The following CLASP1 variants were observed in gnomAD, a reference collection of about 807,000 sequenced individuals.
CLASP1 encodes CLIP-associating protein 1.
In CLASP1, 38 loss-of-function variants were observed where a neutral mutation model predicts 192.3. The ratio of observed to expected loss-of-function variants is 0.20; its 90% CI spans 0.15 to 0.26. CLASP1 has a LOEUF of 0.26. Ranked by LOEUF, CLASP1 falls within the 10% of genes least tolerant of loss-of-function variation. CLASP1 has a pLI of 1.00. For missense variants in CLASP1, 1,433 were observed against 1,932.5 expected (o/e 0.74, Z 4.85); for synonymous variants, 691 against 712.8 (o/e 0.97, Z 0.49).
intron 2 of CLASP1, among the ~76,000 whole-genome samples, chr2:121,546,711 C>T (rs777127713): frequency 1.3e-5 from 2 of 152,154 alleles, no homozygotes; most frequent in African/African-American, 2.4e-5. Flanking sequence ...CAAACAGAGA[C>T]CCGAGAGCCT....
At chr2:121,470,864 C>T (rs1035719259) in intron 8 of CLASP1, among the ~76,000 whole-genome samples, 4 of 152,150 alleles carry the variant, frequency 2.6e-5, no homozygotes, top group Admixed American at 1.3e-4. Context: ...TTTAATCAAT[C>T]TGACAGGTGA....
At chr2:121,383,291 T>G (rs938861513) in intron 32 of CLASP1, among the ~76,000 whole-genome samples, 1 of 152,238 alleles carries the variant, frequency 6.6e-6, no homozygotes, top group East Asian at 1.9e-4. Flanking sequence ...TAGTCTCCCC[T>G]GAGCACAGGT....
intron 14 of CLASP1, among the ~76,000 whole-genome samples, chr2:121,453,009 G>T (rs2085830648): frequency 6.6e-6 from 1 of 152,092 alleles, no homozygotes; most frequent in Non-Finnish European, 1.5e-5. Context: ...AATCAAGGCT[G>T]GGAGCAGCGG....
chr2:121,586,749 T>C (rs987030914), intron 2 of CLASP1, among the ~76,000 whole-genome samples: 3 of 152,204 alleles, frequency 2.0e-5, no homozygotes, highest in African/African-American at 7.2e-5. Context: ...TCCTCCTTCA[T>C]TGTATATGAA....
At position 121,601,559 on chromosome 2, in the gene CLASP1, C is replaced by T. The variant is rs1411858864; in HGVS notation, c.195+4142G>A. Among the ~76,000 whole-genome samples the T allele has an allele frequency of 5.3e-5, 8 of 152,110 alleles. No individual in the cohort carries two copies. In the East Asian group the frequency reaches 1.5e-3, roughly 29 times the overall value. ...TGCTGGGATTACAGGCATGAGCCGT[C>T]GCACTCAGCCAGCTTTCAGCTTTTA... On this transcript the variant is annotated intron_variant, in intron 2 of 39. Coordinates refer to ENST00000263710, the Ensembl canonical transcript of CLASP1.
At chr2:121,456,166 T>C (rs1405457905) in intron 14 of CLASP1, among the ~76,000 whole-genome samples, 5 of 152,008 alleles carry the variant, frequency 3.3e-5, no homozygotes, top group Admixed American at 6.5e-5. Context: ...CAACACAGCA[T>C]GTTGTACACC....
At chr2:121,372,896 G>A (rs985527699) in intron 34 of CLASP1, among the ~76,000 whole-genome samples, 11 of 152,116 alleles carry the variant, frequency 7.2e-5, no homozygotes, top group African/African-American at 1.2e-4. Context: ...CAGCCACTTC[G>A]AATAGGAAAT....
At chr2:121,530,710 TGC>T (rs1269289494) in intron 2 of CLASP1, 2 of 510,556 alleles carry the variant, frequency 3.9e-6, no homozygotes, top group African/African-American at 3.8e-5. Context: ...CCGCCGCTTT[TGC>T]GACCCTTCGG....
intron 2 of CLASP1, chr2:121,603,067 T>C (rs2063980130): frequency 6.6e-6 from 1 of 151,076 alleles, no homozygotes; most frequent in Non-Finnish European, 1.5e-5. Context: ...GACAGGAGAC[T>C]TTTTTTTTAA....
rs70954550 is a variant in CLASP1, at chr2:121,470,293, C to CTTTTTT, written c.713-339_713-334dup. On this transcript the variant is annotated intron_variant, in intron 8 of 39. Coordinates refer to ENST00000263710, the Ensembl canonical transcript of CLASP1. ...TCTGCAACATTTCTGACCATCCATGCTTTTTTTTTTTTTTTTTTTTTTTTT... is the reference window on the plus strand; with the variant it reads ...TCTGCAACATTTCTGACCATCCATGCTTTTTTTTTTTTTTTTTTTTTTTTTTTTTTT... 1.6e-3 allele frequency: 491 copies of CTTTTTT among 309,036 alleles called. 30 individuals are homozygous for CTTTTTT. Among genetic ancestry groups the CTTTTTT allele is most frequent in the South Asian group, 2.3e-3 (100 of 42,574 alleles). The allele number at this position is 309,036 out of a possible 1,614,324, so 19.1% of individuals were successfully genotyped here.
intron 2 of CLASP1, among the ~76,000 whole-genome samples, chr2:121,597,470 G>GT (rs1226148126): frequency 1.3e-5 from 2 of 152,150 alleles, no homozygotes; most frequent in African/African-American, 4.8e-5. Context: ...GAGATAGTGT[G>GT]TATGTGTGTG....
intron 35 of CLASP1, among the ~76,000 whole-genome samples, chr2:121,365,970 A>AAT (rs1406370803): frequency 6.6e-6 from 1 of 152,198 alleles, no homozygotes; most frequent in African/African-American, 2.4e-5. Context: ...CTGAACTCTG[A>AAT]ATATTCAACT....
chr2:121,393,599 C>T (rs1431471415), intron 30 of CLASP1, among the ~76,000 whole-genome samples: 1 of 152,084 alleles, frequency 6.6e-6, no homozygotes, highest in East Asian at 1.9e-4. Context: ...TCAAGAACGT[C>T]TCATATTCTT....
chr2:121,461,912 T>C lies in CLASP1; in HGVS notation c.939+620A>G, dbSNP rs191131831. ...GGCCACTGAGATTCTTGTTACCTGC[T>C]TTATACACATATGGCAACCAAGGTG... On this transcript the variant is annotated intron_variant, in intron 10 of 39. Coordinates refer to ENST00000263710, the Ensembl canonical transcript of CLASP1. Among the ~76,000 whole-genome samples, 5 of 152,274 alleles carry C rather than the reference T, an allele frequency of 3.3e-5. No individual in the cohort carries two copies. In the East Asian group the frequency reaches 9.6e-4, roughly 29 times the overall value.
At chr2:121,451,458 G>A (rs923585263) in intron 15 of CLASP1, among the ~76,000 whole-genome samples, 2 of 152,152 alleles carry the variant, frequency 1.3e-5, no homozygotes, top group Non-Finnish European at 2.9e-5. Flanking sequence ...TTCCTTGAAG[G>A]ATCTAACACT....
intron 2 of CLASP1, among the ~76,000 whole-genome samples, chr2:121,575,223 T>C (rs2060393973): frequency 6.6e-6 from 1 of 151,988 alleles, no homozygotes; most frequent in African/African-American, 2.4e-5. Flanking sequence ...GCAATTCTCC[T>C]GCCTCAGCCT....
At chr2:121,445,729 T>C (rs138663237) in intron 19 of CLASP1, among the ~76,000 whole-genome samples, 62 of 152,272 alleles carry the variant, frequency 4.1e-4, no homozygotes, top group Middle Eastern at 3.4e-3. Flanking sequence ...GACTGAAAAC[T>C]TATCATCAGT....
At chr2:121,636,274 T>C (rs1013015828) in intron 1 of CLASP1, among the ~76,000 whole-genome samples, 20 of 150,682 alleles carry the variant, frequency 1.3e-4, no homozygotes, top group Admixed American at 4.0e-4. Flanking sequence ...GGGTGGAGAT[T>C]ACAGTGGGCT....
intron 33 of CLASP1, among the ~76,000 whole-genome samples, chr2:121,379,842 C>T (rs901308566): frequency 1.3e-5 from 2 of 152,194 alleles, no homozygotes; most frequent in African/African-American, 4.8e-5. Flanking sequence ...CATCACTTCA[C>T]TATTACAATA....
Sources: allele counts gnomAD v4.1 joint callset (sites outside exome capture counted in the v4.1 genomes callset), GRCh38; gene constraint gnomAD v4.1.1; transcripts MANE v1.5; gene names NCBI Gene and HGNC (gene_info 2026-07-23, HGNC 2026-07-21).